MTMR1: variants seen among roughly 807,000 people sequenced by gnomAD.
MTMR1 encodes the protein myotubularin related protein 1, also known as phosphatidylinositol-3-phosphate phosphatase MTMR1.
A neutral mutation model predicts 51.6 loss-of-function variants in MTMR1; 17 were observed. The ratio of observed to expected loss-of-function variants is 0.33; its 90% CI spans 0.23 to 0.49. The LOEUF is 0.49. Among genes scored for constraint, MTMR1 ranks in the 20% least tolerant of loss-of-function variants. The pLI, the probability that MTMR1 is intolerant of heterozygous loss-of-function variation, is 0.99. For missense variants in MTMR1, 386 were observed against 526.9 expected (o/e 0.73, Z 2.62); for synonymous variants, 201 against 205.6 (o/e 0.98, Z 0.19).
intron 9 of MTMR1, 65 bp from the exon 10 acceptor site, chrX:150,732,477 T>C: frequency 2.9e-6 from 3 of 1,020,225 alleles, no homozygotes; most frequent in Non-Finnish European, 2.6e-6. Flanking sequence ...TTGTTTTTCC[T>C]ACCAGGTAAT....
At chrX:150,756,600 G>A (rs1310419250) in intron 15 of MTMR1, among the ~76,000 whole-genome samples, 1 of 111,973 alleles carries the variant, frequency 8.9e-6, no homozygotes, top group Non-Finnish European at 1.9e-5. Context: ...GACAGATAGA[G>A]GCAGCCTGTA....
At chrX:150,711,944 A>G (rs1603239795) in intron 2 of MTMR1, among the ~76,000 whole-genome samples, 1 of 107,465 alleles carries the variant, frequency 9.3e-6, no homozygotes, top group African/African-American at 3.5e-5. Context: ...GTTTGGGCAT[A>G]TAACTGCCTT....
intron 3 of MTMR1, chrX:150,714,639 C>T (rs1184871565): frequency 8.1e-6 from 4 of 493,844 alleles, no homozygotes; most frequent in Non-Finnish European, 1.2e-5. Context: ...GCCTCTACCA[C>T]AATAGTAGTG....
chrX:150,696,382 CCTTCA>C (rs1351547093), intron 1 of MTMR1, among the ~76,000 whole-genome samples: 1 of 111,101 alleles, frequency 9.0e-6, no homozygotes, highest in African/African-American at 3.3e-5. Flanking sequence ...GACTATGGGG[CCTTCA>C]CTTCTCTTCT....
chrX:150,709,606 AG>A (rs781956081), intron 2 of MTMR1, among the ~76,000 whole-genome samples: 5 of 112,033 alleles, frequency 4.5e-5, no homozygotes, highest in Non-Finnish European at 7.5e-5. Context: ...CAGGTTTAAC[AG>A]GAAGCATGGT....
At chrX:150,719,024 A>C (rs1297325722) in intron 4 of MTMR1, among the ~76,000 whole-genome samples, 1 of 111,734 alleles carries the variant, frequency 8.9e-6, no homozygotes, top group South Asian at 3.8e-4. Flanking sequence ...TATAAGGAAA[A>C]TATAGGAGAC....
intron 15 of MTMR1, among the ~76,000 whole-genome samples, chrX:150,760,856 G>T (rs1468707952): frequency 9.2e-6 from 1 of 109,171 alleles, no homozygotes; most frequent in East Asian, 2.9e-4. Context: ...GAATTCGGGA[G>T]GCGGAGGTTG....
intron 1 of MTMR1, 74 bp downstream of exon 1, chrX:150,693,750 C>T (rs1557415645): frequency 1.5e-6 from 1 of 680,882 alleles, no homozygotes. Flanking sequence ...CAGCCCGCCC[C>T]CTCCCCGCGC....
At chrX:150,719,178 A>C (rs2041663421) in intron 4 of MTMR1, among the ~76,000 whole-genome samples, 1 of 111,600 alleles carries the variant, frequency 9.0e-6, no homozygotes, top group African/African-American at 3.3e-5. Context: ...GAGGCCTCCC[A>C]TATCCCTCCA....
chrX:150,721,437 T>C (rs2041743382), intron 4 of MTMR1, among the ~76,000 whole-genome samples: 1 of 111,926 alleles, frequency 8.9e-6, no homozygotes, highest in Non-Finnish European at 1.9e-5. Context: ...GGTTTTTAAC[T>C]ACAAATTTAA....
At position 150,702,585 on chromosome X, in the gene MTMR1, C is replaced by T. The variant is rs73622409; in HGVS notation, c.252+3285C>T. Among the ~76,000 whole-genome samples, 523 of 111,976 alleles carry T rather than the reference C, an allele frequency of 4.7e-3. 4 individuals are homozygous for T. Among genetic ancestry groups the T allele is most frequent in the African/African-American group, 0.015 (469 of 30,779 alleles). ...TACAGTAAGAATATCGCTGGTATCA[C>T]GTGACATGAGTTTAGATGGTATGTC... On this transcript the variant is annotated intron_variant, in intron 2 of 15. Coordinates refer to ENST00000445323, the MANE Select transcript of MTMR1 (RefSeq NM_001306144.3).
At chrX:150,711,740 G>C (rs1418607867) in intron 2 of MTMR1, among the ~76,000 whole-genome samples, 1 of 112,097 alleles carries the variant, frequency 8.9e-6, no homozygotes, top group Non-Finnish European at 1.9e-5. Flanking sequence ...GGCGGGGAGC[G>C]GGCACCCTCC....
At chrX:150,745,916 T>C (rs1280990041) in intron 13 of MTMR1, among the ~76,000 whole-genome samples, 1 of 112,598 alleles carries the variant, frequency 8.9e-6, no homozygotes, top group Admixed American at 9.4e-5. Context: ...CCACAAGCCC[T>C]TCTGGGGGCT....
chrX:150,727,331 T>C (rs1603252868), intron 5 of MTMR1, 22 bp downstream of exon 5: 1 of 1,132,989 alleles, frequency 8.8e-7, no homozygotes, highest in East Asian at 3.0e-5. Context: ...AAAGTGTGTT[T>C]TATTTTAAAA....
At chrX:150,708,982 G>A (rs1440236890) in intron 2 of MTMR1, among the ~76,000 whole-genome samples, 1 of 111,191 alleles carries the variant, frequency 9.0e-6, no homozygotes, top group Non-Finnish European at 1.9e-5. Context: ...CCTCAGTTTG[G>A]CAGATGTTTT....
chrX:150,708,593 A>G (rs781837291), intron 2 of MTMR1, among the ~76,000 whole-genome samples: 4 of 111,644 alleles, frequency 3.6e-5, no homozygotes, highest in African/African-American at 6.5e-5. Context: ...ATGATGCAGT[A>G]TGCTTGCTTT....
At position 150,735,802 on chromosome X, in the gene MTMR1, A is replaced by G. The variant is rs782141483; in HGVS notation, c.1081-793A>G. 8 of 242,556 alleles carry G rather than the reference A, an allele frequency of 3.3e-5. No individual in the cohort carries two copies. The Admixed American group carries it at 3.5e-4, about 11-fold the overall frequency. 20.0% of individuals were successfully genotyped at this position (242,556 alleles called of 1,213,427 possible). A position where few individuals can be genotyped will look rare whatever the true frequency, so the allele number is the denominator to read the frequency against. On this transcript the variant is annotated intron_variant, in intron 10 of 15. Coordinates refer to ENST00000445323, the MANE Select transcript of MTMR1 (RefSeq NM_001306144.3). ...AGAACACTTAAAATCTACTCTCAGC[A>G]GTTTTCAGATACAGACTACATTGTT...
intron 2 of MTMR1, among the ~76,000 whole-genome samples, chrX:150,711,183 C>T (rs1157947801): frequency 1.8e-5 from 2 of 112,155 alleles, no homozygotes; most frequent in Non-Finnish European, 3.8e-5. Flanking sequence ...TATCCATCCT[C>T]CCAAAAAAAG....
chrX:150,699,317 G>C lies in MTMR1; in HGVS notation c.252+17G>C, dbSNP rs1367188033. 5 of 1,090,974 alleles carry C rather than the reference G, an allele frequency of 4.6e-6. No individual in the cohort carries two copies. The East Asian group carries it at 1.5e-4, about 34-fold the overall frequency. The allele number at this position is 1,090,974 out of a possible 1,213,427, so 89.9% of individuals were successfully genotyped here. On this transcript the variant is annotated intron_variant, in intron 2 of 15. Coordinates refer to ENST00000445323, the MANE Select transcript of MTMR1 (RefSeq NM_001306144.3). ...GATTACAAGGTAAGCAACATTGAGT[G>C]TTTAATTCATTTTCAGTATGCTAAG...
Sources: gnomAD v4.1 joint callset for allele counts (sites outside exome capture counted in the v4.1 genomes callset) on GRCh38, gnomAD v4.1.1 for gene constraint, MANE v1.5 for transcripts, NCBI Gene and HGNC (gene_info 2026-07-23, HGNC 2026-07-21) for gene names.